The following PRAMEF10 variants were observed in gnomAD, a reference collection of about 807,000 sequenced individuals.
PRAMEF10 encodes the protein PRAME family member 10.
In PRAMEF10, 4 loss-of-function variants were observed where a neutral mutation model predicts 27.7. The ratio of observed to expected loss-of-function variants is 0.14; its 90% CI spans 0.07 to 0.33. The LOEUF (loss-of-function observed/expected upper bound fraction) is 0.33, where lower values mean the gene tolerates loss of function less well. Ranked by LOEUF, PRAMEF10 falls within the 10% of genes least tolerant of loss-of-function variation. PRAMEF10 has a pLI of 1.00. For missense variants in PRAMEF10, 99 were observed against 453.9 expected, an observed-to-expected ratio of 0.22 and a Z score of 7.10; for synonymous variants, 46 against 176.0, an observed-to-expected ratio of 0.26 and a Z score of 5.85.
Position 12,893,322 on chromosome 1 carries a change from A to G in PRAMEF10, c.1019T>C (p.Leu340Pro). The G allele has an allele frequency of 1.9e-6, 3 of 1,611,778 alleles. No homozygotes were observed. The highest frequency in any genetic ancestry group is 3.3e-5 in the Admixed American group (2 of 59,966). Residue 340 changes from leucine (L) to proline (P), a missense_variant, in exon 4 of 4, where the codon CTT becomes CCT. Leu to Pro is a moderately conservative substitution (Grantham distance 98). Transcript: ENST00000235347. ...AGCAACTTTCTCCAGCAGAACTCCA[A>G]GGGGCTCAAGATTGGTGGTCCACAT... ...ILMWTTNLEP[L>P]GVLLEKVAAT...
In PRAMEF10 at chr1:12,893,098, G is replaced by C; in HGVS notation, c.1243C>G (p.Pro415Ala). The stretch of plus-strand genomic sequence containing the variant: ...CCCTTGTAGTCAAGACTCTCCAGAG[G>C]GGCAGGATACAACTCCAGGCCTAAC... ...SKLGLELYPA[P>A]LESLDYKGHV... The change falls in exon 4 of 4, where the codon CCT becomes GCT. Residue 415 changes from proline (P) to alanine (A), a missense_variant. Transcript: ENST00000235347. The C allele has an allele frequency of 6.3e-7, 1 of 1,595,586 alleles. No individual in the cohort carries two copies. Among genetic ancestry groups the C allele is most frequent in the East Asian group, 2.2e-5 (1 of 44,754 alleles).
In PRAMEF10 at chr1:12,893,351, G is replaced by C. The variant is rs1032157953; in HGVS notation, c.990C>G (p.Ile330Met). The change falls in exon 4 of 4, where the codon ATC (isoleucine) becomes ATG (methionine). Residue 330 changes from isoleucine to methionine, a missense_variant. By Grantham distance (10) the Ile-to-Met change is conservative. Transcript: ENST00000235347. ...SQLKELRLIH[I>M]LMWTTNLEPL... ...GCTCAAGATTGGTGGTCCACATTAG[G>C]ATATGAATCAGACGCAGCTCCTTTA... 1 of 1,611,534 alleles carries C rather than the reference G, an allele frequency of 6.2e-7. No individual in the cohort carries two copies. The highest frequency in any genetic ancestry group is 1.3e-5 in the African/African-American group (1 of 74,636).
chr1:12,893,780 C>T (rs1553168434), intron 3 of PRAMEF10, among the ~76,000 whole-genome samples: 3 of 107,174 alleles, frequency 2.8e-5, no homozygotes, highest in Admixed American at 1.8e-4. Flanking sequence ...ACACCTACTC[C>T]CTCACCCTCC....
Position 12,893,006 on chromosome 1 carries a change from C to T in PRAMEF10, c.1335G>A (p.Arg445=). Residue 445 remains arginine, a synonymous_variant, in exon 4 of 4, where the codon AGG becomes AGA. Coordinates refer to ENST00000235347, the MANE Select transcript of PRAMEF10 (RefSeq NM_001039361.4). ...AELMRTLREV[R]QPKRIFFGPV... The stretch of plus-strand genomic sequence containing the variant: ...GACCAAAGAAGATCCTCTTGGGCTG[C>T]CTGACTTCCCTGAGTGTACGCATCA... 2 of 1,587,060 alleles carry T rather than the reference C, an allele frequency of 1.3e-6. No individual in the cohort carries two copies. The highest frequency in any genetic ancestry group is 1.7e-6 in the Non-Finnish European group (2 of 1,162,522).
chr1:12,896,718 A>AG (rs1403901834), intron 1 of PRAMEF10, among the ~76,000 whole-genome samples: 2 of 36,804 alleles, frequency 5.4e-5, no homozygotes, highest in African/African-American at 1.7e-4. Context: ...TAGATTCAAA[A>AG]AAGAGAGAGA....
rs199730385 is a variant in PRAMEF10 at position 12,892,916 on chromosome 1, C to T, written c.1425G>A (p.Ter475=). The change falls in exon 4 of 4, where the codon TAG becomes TAA. Residue 475 remains the stop codon, a stop_retained_variant. Coordinates refer to ENST00000235347, the MANE Select transcript of PRAMEF10 (RefSeq NM_001039361.4). Reference sequence around the variant, plus strand: ...ATCCATCCCACGAACCAGGCCTTCCCTAGGAGCAAAGATGGAAGTCCACTT... The same window carrying T: ...ATCCATCCCACGAACCAGGCCTTCCTTAGGAGCAAAGATGGAAGTCCACTT... ...SEKVDFHLCS[*] is the part of the protein sequence containing the mutation. 1.3e-3 allele frequency: 2,125 copies of T among 1,594,982 alleles called. 60 individuals are homozygous for T. Among genetic ancestry groups the T allele is most frequent in the Non-Finnish European group, 1.1e-3 (1,335 of 1,168,782 alleles).
In PRAMEF10 at chr1:12,893,686, C is replaced by T. The variant is rs1476751635; in HGVS notation, c.867-212G>A. On this transcript the variant is annotated intron_variant, in intron 3 of 3. Transcript: ENST00000235347. Reference sequence around the variant, plus strand: ...TGATGGTCTGCATGCAAGGTGCTGCCTGATGAAGACTCAGATCATTCAGGG... The same window carrying T: ...TGATGGTCTGCATGCAAGGTGCTGCTTGATGAAGACTCAGATCATTCAGGG... Among the ~76,000 whole-genome samples the T allele has an allele frequency of 1.8e-3, 180 of 97,780 alleles. 13 individuals carry two copies. In the South Asian group the frequency reaches 0.059, roughly 32 times the overall value. The allele number at this position is 97,780 out of a possible 152,430, so 64.1% of individuals were successfully genotyped here. A position where few individuals can be genotyped will look rare whatever the true frequency, so the allele number is the denominator to read the frequency against.
In PRAMEF10 at chr1:12,893,251, G is replaced by T. The variant is rs200331015; in HGVS notation, c.1090C>A (p.Pro364Thr). The T allele has an allele frequency of 6.2e-7, 1 of 1,610,766 alleles. No individual in the cohort carries two copies. The highest frequency in any genetic ancestry group is 8.5e-7 in the Non-Finnish European group (1 of 1,179,212). Residue 364 changes from proline (P) to threonine (T), a missense_variant, in exon 4 of 4, where the codon CCC becomes ACC. By Grantham distance (38) the Pro-to-Thr change is conservative. Transcript: ENST00000235347. ...LVLKDCRIQD[P>T]QLRVLLPALS... ...GCAGGCAGGAGGACCCTGAGTTGGG[G>T]GTCCTGGATCCGACAGTCCTTTAAG...
chr1:12,894,052 G>A (rs1261537886), intron 3 of PRAMEF10, among the ~76,000 whole-genome samples: 6 of 149,678 alleles, frequency 4.0e-5, no homozygotes, highest in Non-Finnish European at 8.9e-5. Flanking sequence ...TGGGATTACA[G>A]GTGCCTGTCT....
Position 12,894,697 on chromosome 1 carries a change from TG to T in PRAMEF10, c.754del (p.Gln252SerfsTer23). Reference sequence around the variant, plus strand: ...GTCCAAGTCAGGAATGCACGGCCACTGGACGCTCACGTACAACTCACGCTCA... The same window carrying T: ...GTCCAAGTCAGGAATGCACGGCCACTGACGCTCACGTACAACTCACGCTCA... ...GYERELYVSV[Q>X]WPCIPDLDSP... On this transcript the variant is annotated frameshift_variant, in exon 3 of 4. Coordinates refer to ENST00000235347, the MANE Select transcript of PRAMEF10 (RefSeq NM_001039361.4). LOFTEE classifies it high-confidence loss of function. 1 of 686,758 alleles carries T rather than the reference TG, an allele frequency of 1.5e-6. No homozygotes were observed. The highest frequency in any genetic ancestry group is 2.3e-6 in the Non-Finnish European group (1 of 431,912). 42.5% of individuals were successfully genotyped at this position (686,758 alleles called of 1,614,324 possible).
chr1:12,894,212 C>G (rs1252017406), intron 3 of PRAMEF10, among the ~76,000 whole-genome samples: 1 of 146,370 alleles, frequency 6.8e-6, no homozygotes, highest in East Asian at 2.2e-4. Context: ...CACAACCGGC[C>G]ACACCTTCCC....
intron 3 of PRAMEF10, among the ~76,000 whole-genome samples, chr1:12,894,159 T>G (rs1339280992): frequency 6.7e-6 from 1 of 150,038 alleles, no homozygotes; most frequent in Non-Finnish European, 1.5e-5. Context: ...ATGATCTCCC[T>G]GCCTTGGCCT....
At chr1:12,897,611 C>A (rs1280895224) in intron 1 of PRAMEF10, among the ~76,000 whole-genome samples, 1 of 149,752 alleles carries the variant, frequency 6.7e-6, no homozygotes, top group Non-Finnish European at 1.5e-5. Flanking sequence ...AATTCCAGCA[C>A]TTTGGGAGGC....
chr1:12,895,142 C>A lies in PRAMEF10; in HGVS notation c.310G>T (p.Asp104Tyr). Residue 104 changes from aspartate (D) to tyrosine (Y), a missense_variant, in exon 3 of 4, where the codon GAT becomes TAT. Coordinates refer to ENST00000235347, the MANE Select transcript of PRAMEF10 (RefSeq NM_001039361.4). The part of the protein sequence containing the change: ...RPRRWKLQVL[D>Y]LRDVDENFWT... ...AAATTCTCATCAACATCCCTCAAAT[C>A]CAGCACTTGAAGTTTCCACCTCCTA... 2 of 1,468,900 alleles carry A rather than the reference C, an allele frequency of 1.4e-6. No homozygotes were observed. The highest frequency in any genetic ancestry group is 1.9e-6 in the Non-Finnish European group (2 of 1,077,224). 91.0% of individuals were successfully genotyped at this position (1,468,900 alleles called of 1,614,324 possible). A position where few individuals can be genotyped will look rare whatever the true frequency, so the allele number is the denominator to read the frequency against.
At chr1:12,896,176 A>G (rs1252958432) in intron 1 of PRAMEF10, among the ~76,000 whole-genome samples, 3 of 145,700 alleles carry the variant, frequency 2.1e-5, no homozygotes, top group African/African-American at 2.5e-5. Context: ...TCTCATGCCC[A>G]GCTAATCTTT....
At chr1:12,894,209 G>C (rs1641173532) in intron 3 of PRAMEF10, among the ~76,000 whole-genome samples, 1 of 146,218 alleles carries the variant, frequency 6.8e-6, no homozygotes. Flanking sequence ...CACCACAACC[G>C]GCCACACCTT....
Position 12,896,460 on chromosome 1 carries a change from C to T in PRAMEF10, c.-25-588G>A, listed in dbSNP as rs1361336108. On this transcript the variant is annotated intron_variant, in intron 1 of 3. Transcript: ENST00000235347. The stretch of plus-strand genomic sequence containing the variant: ...CACTTTGGCTGTGCGCAGTGACTCA[C>T]ACCTGTAATCCCAGCACTTTGGGAG... 3.4e-5 allele frequency among the ~76,000 whole-genome samples: 5 copies of T among 148,432 alleles called. 1 individual carries two copies. Among genetic ancestry groups the T allele is most frequent in the Non-Finnish European group, 7.5e-5 (5 of 67,110 alleles).
Position 12,897,916 on chromosome 1 carries a change from CA to C in PRAMEF10, c.-26+299del, listed in dbSNP as rs1274388535. 3.4e-3 allele frequency among the ~76,000 whole-genome samples: 492 copies of C among 145,004 alleles called. 7 individuals are homozygous for C. The highest frequency in any genetic ancestry group is 0.013 in the African/African-American group (479 of 37,834). On this transcript the variant is annotated intron_variant, in intron 1 of 3. Coordinates refer to ENST00000235347, the MANE Select transcript of PRAMEF10 (RefSeq NM_001039361.4). Reference sequence around the variant, plus strand: ...TTTGCCGTGTTGTCCAGGTTGGTCTCAGACCCCTGGGCTGAAATGATCCTCC... The same window carrying C: ...TTTGCCGTGTTGTCCAGGTTGGTCTCGACCCCTGGGCTGAAATGATCCTCC...
At position 12,893,407 on chromosome 1, in the gene PRAMEF10, A is replaced by C. The variant is rs1305718142; in HGVS notation, c.934T>G (p.Cys312Gly). Reference sequence around the variant, plus strand: ...CTGAGGCTTGGGTACTGAGACAGACACTCCATGTCCCGATCAGTTAGGTAA... The same window carrying C: ...CTGAGGCTTGGGTACTGAGACAGACCCTCCATGTCCCGATCAGTTAGGTAA... The part of the protein sequence containing the change: ...DAYLTDRDME[C>G]LSQYPSLSQL... Residue 312 changes from cysteine to glycine, a missense_variant, in exon 4 of 4, where the codon TGT becomes GGT. Physicochemically the swap from Cys to Gly is radical, Grantham distance 159 (BLOSUM62 -3). Transcript: ENST00000235347. The C allele has an allele frequency of 1.9e-6, 3 of 1,604,870 alleles. No individual in the cohort carries two copies. In the South Asian group the frequency reaches 3.3e-5, roughly 18 times the overall value.
Sources: allele counts gnomAD v4.1 joint callset (sites outside exome capture counted in the v4.1 genomes callset), GRCh38; gene constraint gnomAD v4.1.1; transcripts MANE v1.5; gene names NCBI Gene and HGNC (gene_info 2026-07-23, HGNC 2026-07-21).